Variants in MAP3K21 observed in about 807,000 individuals in gnomAD.
MAP3K21 encodes the protein mitogen-activated protein kinase kinase kinase MLK4.
Under a neutral mutation model 86.1 loss-of-function variants are expected in MAP3K21, and 63 were observed. That is an observed-to-expected ratio of 0.73 (90% CI 0.60 to 0.90). MAP3K21 has a LOEUF of 0.90. MAP3K21 is among the 40% of genes least tolerant of loss of function. MAP3K21 has a pLI of 0.00. For missense variants in MAP3K21, 1,220 were observed against 1,367.7 expected, an observed-to-expected ratio of 0.89 and a Z score of 1.70; for synonymous variants, 558 against 564.8, an observed-to-expected ratio of 0.99 and a Z score of 0.17.
intron 4 of MAP3K21, among the ~76,000 whole-genome samples, chr1:233,357,040 G>A (rs544436471): frequency 1.4e-4 from 22 of 152,348 alleles, no homozygotes; most frequent in African/African-American, 5.1e-4. Context: ...GGAGGTCGGG[G>A]CAGGTGGATC....
In MAP3K21 at chr1:233,382,362, C is replaced by T. The variant is rs1234995001; in HGVS notation, c.2762C>T (p.Pro921Leu). The T allele has an allele frequency of 6.2e-7, 1 of 1,614,150 alleles. No homozygotes were observed. Among genetic ancestry groups the T allele is most frequent in the Non-Finnish European group, 8.5e-7 (1 of 1,179,984 alleles). Residue 921 changes from proline to leucine, a missense_variant, in exon 10 of 10, where the codon CCT becomes CTT. Physicochemically the swap from Pro to Leu is moderately conservative, Grantham distance 98. Coordinates refer to ENST00000366624, the MANE Select transcript of MAP3K21 (RefSeq NM_032435.3). ...GASALPLCPS[P>L]APHSHLPREV... ...TCTGCACTGCCACTCTGCCCCTCAC[C>T]TGCTCCTCACAGTCATCTGCCAAGG...
chr1:233,378,725 A>G (rs1663845635), intron 8 of MAP3K21, among the ~76,000 whole-genome samples: 1 of 152,208 alleles, frequency 6.6e-6, no homozygotes, highest in South Asian at 2.1e-4. Context: ...TTGCTGGTTC[A>G]TCTGCAGGGA....
At position 233,384,482 on chromosome 1, in the gene MAP3K21, T is replaced by C. The variant is rs1025009841; in HGVS notation, c.*1771T>C. The C allele has an allele frequency of 1.3e-5, 2 of 152,258 alleles. No homozygotes were observed. Among genetic ancestry groups the C allele is most frequent in the African/African-American group, 4.8e-5 (2 of 41,472 alleles). The allele number at this position is 152,258 out of a possible 1,614,324, so 9.4% of individuals were successfully genotyped here. A position where few individuals can be genotyped will look rare whatever the true frequency, so the allele number is the denominator to read the frequency against. On this transcript the variant is annotated 3_prime_UTR_variant, in exon 10 of 10. Transcript: ENST00000366624. ...GTTATTGAATTATGTAACAGAGATT[T>C]GGTTTTCCCAAAATGTTATCACATT...
chr1:233,369,220 C>T (rs146683072), intron 5 of MAP3K21, among the ~76,000 whole-genome samples: 2 of 105,640 alleles, frequency 1.9e-5, no homozygotes, highest in Admixed American at 1.2e-4. Context: ...TAGTAAAATA[C>T]AAAAAAAAAA....
At position 233,346,630 on chromosome 1, in the gene MAP3K21, T is replaced by C. The variant is rs1017341216; in HGVS notation, c.986+8T>C. ...GGGAAGCGACATCTGGAGGTGAGCC[T>C]TTCCTTTTGCAAACATCGGCAGAAA... On this transcript the variant is annotated splice_region_variant and intron_variant, in intron 2 of 9. Coordinates refer to ENST00000366624, the MANE Select transcript of MAP3K21 (RefSeq NM_032435.3). 1 of 1,611,894 alleles carries C rather than the reference T, an allele frequency of 6.2e-7. No homozygotes were observed. Among genetic ancestry groups the C allele is most frequent in the Non-Finnish European group, 8.5e-7 (1 of 1,179,006 alleles).
intron 5 of MAP3K21, among the ~76,000 whole-genome samples, chr1:233,371,434 C>T (rs970593069): frequency 3.9e-5 from 6 of 152,196 alleles, no homozygotes; most frequent in African/African-American, 1.4e-4. Flanking sequence ...AATCTCAGCT[C>T]ACTGTACCCT....
At chr1:233,332,381 C>T (rs987417053) in intron 1 of MAP3K21, among the ~76,000 whole-genome samples, 22 of 151,976 alleles carry the variant, frequency 1.4e-4, no homozygotes, top group Non-Finnish European at 2.8e-4. Flanking sequence ...ACCACGAATT[C>T]GTCAAGCAAA....
At chr1:233,356,800 T>G (rs1408077249) in intron 4 of MAP3K21, among the ~76,000 whole-genome samples, 1 of 152,222 alleles carries the variant, frequency 6.6e-6, no homozygotes, top group East Asian at 1.9e-4. Flanking sequence ...TCTTGGAAAC[T>G]GACTATAAAT....
rs539661746 is a variant in MAP3K21 at position 233,376,445 on chromosome 1, C to T, written c.1842C>T (p.Ser614=). The part of the protein sequence containing the change: ...TDCKERIRPL[S]DGNSPWSTIL... ...TCTCTTGTAGGATAAGACCTCTCTC[C>T]GATGGCAACAGTCCTTGGTCAACTA... Residue 614 remains serine, a synonymous_variant, in exon 8 of 10, where the codon TCC becomes TCT. Transcript: ENST00000366624. The T allele has an allele frequency of 1.1e-5, 17 of 1,612,350 alleles. No homozygotes were observed. Among genetic ancestry groups the T allele is most frequent in the East Asian group, 6.7e-5 (3 of 44,848 alleles).
chr1:233,378,814 C>A, intron 8 of MAP3K21, 117 bp from the exon 9 acceptor site: 3 of 751,472 alleles, frequency 4.0e-6, no homozygotes, highest in South Asian at 4.2e-5. Context: ...AAAAGGGCTG[C>A]ATGTGTTTTG....
In MAP3K21 at chr1:233,328,404, C is replaced by T. The variant is rs777111160; in HGVS notation, c.376C>T (p.Leu126=). ...PVHVAFERLE[L]KELIGAGGFG... ...ACACGTCGCCTTCGAGCGGCTGGAG[C>T]TGAAGGAGCTCATCGGCGCTGGGGG... is the stretch of plus-strand genomic sequence containing the variant. Residue 126 remains leucine, a synonymous_variant, in exon 1 of 10, where the codon CTG becomes TTG. Coordinates refer to ENST00000366624, the MANE Select transcript of MAP3K21 (RefSeq NM_032435.3). This position sits in a 1 kb window ranked among gnomAD's most constrained non-coding sequence, Gnocchi z 8.7. 1 of 1,490,924 alleles carries T rather than the reference C, an allele frequency of 6.7e-7. No individual in the cohort carries two copies. Among genetic ancestry groups the T allele is most frequent in the Non-Finnish European group, 8.9e-7 (1 of 1,128,362 alleles). The allele number at this position is 1,490,924 out of a possible 1,614,324, so 92.4% of individuals were successfully genotyped here.
intron 2 of MAP3K21, among the ~76,000 whole-genome samples, chr1:233,347,082 G>A (rs539295987): frequency 6.6e-6 from 1 of 151,808 alleles, no homozygotes; most frequent in Non-Finnish European, 1.5e-5. Flanking sequence ...GTTTAGGAGG[G>A]AGAGTGTCCA....
rs1303777743 is a variant in MAP3K21 at position 233,383,422 on chromosome 1, C to T, written c.*711C>T. ...GAATATAAGTTATAAGCATTTTATT[C>T]ATTAGAACTCCAAAATAGATGTTCA... On this transcript the variant is annotated 3_prime_UTR_variant, in exon 10 of 10. Coordinates refer to ENST00000366624, the MANE Select transcript of MAP3K21 (RefSeq NM_032435.3). 1 of 115,608 alleles carries T rather than the reference C, an allele frequency of 8.6e-6. No individual in the cohort carries two copies. 7.2% of individuals were successfully genotyped at this position (115,608 alleles called of 1,614,324 possible).
chr1:233,373,927 G>GGGAC (rs1663736062), intron 6 of MAP3K21: 1 of 152,336 alleles, frequency 6.6e-6, no homozygotes, highest in South Asian at 2.1e-4. Flanking sequence ...AAAGTAGGAA[G>GGGAC]GGACGAAGGT....
At chr1:233,358,011 C>T (rs1267582284) in intron 4 of MAP3K21, among the ~76,000 whole-genome samples, 2 of 151,520 alleles carry the variant, frequency 1.3e-5, no homozygotes, top group Non-Finnish European at 1.5e-5. Flanking sequence ...CCACCAGGAA[C>T]TCTGAGTCAG....
Position 233,332,462 on chromosome 1 carries a change from G to A in MAP3K21, c.805+3629G>A, listed in dbSNP as rs146742107. Among the ~76,000 whole-genome samples, 946 of 152,260 alleles carry A rather than the reference G, an allele frequency of 6.2e-3. 8 individuals carry two copies. The highest frequency in any genetic ancestry group is 0.012 in the South Asian group (57 of 4,830). ...GGAGGCCTAAGGAGAAGGCTGGTGA[G>A]GAGAGGCATGCGTGGGGCAGGCCTG... is the stretch of plus-strand genomic sequence containing the variant. On this transcript the variant is annotated intron_variant, in intron 1 of 9. Coordinates refer to ENST00000366624, the MANE Select transcript of MAP3K21 (RefSeq NM_032435.3).
chr1:233,354,910 G>A lies in MAP3K21; in HGVS notation c.1210G>A (p.Ala404Thr). ...CGAACAGTTGACTGCTATTGAAGGG[G>A]CAGTGATGACTGAGATGCCTCAAGA... The part of the protein sequence containing the change: ...ILEQLTAIEG[A>T]VMTEMPQESF... The change falls in exon 4 of 10, where the codon GCA (alanine) becomes ACA (threonine). Residue 404 changes from alanine (A) to threonine (T), a missense_variant. By Grantham distance (58) the Ala-to-Thr change is moderately conservative. This residue lies in a region of MAP3K21 where 126 missense variants were observed against 127.7 expected (regional missense o/e 0.99). Coordinates refer to ENST00000366624, the MANE Select transcript of MAP3K21 (RefSeq NM_032435.3). 1.2e-6 allele frequency: 2 copies of A among 1,613,796 alleles called. No homozygotes were observed. Among genetic ancestry groups the A allele is most frequent in the Non-Finnish European group, 1.7e-6 (2 of 1,179,702 alleles).
rs1320850754 is a variant in MAP3K21 at position 233,379,505 on chromosome 1, G to A, written c.2499G>A (p.Met833Ile). ...CACCTGTCACTTGTGACTCTGAGATGCTCACTCCGGATTTTTGTCCCACTG... is the reference window on the plus strand; with the variant it reads ...CACCTGTCACTTGTGACTCTGAGATACTCACTCCGGATTTTTGTCCCACTG... Reference protein sequence around the residue: ...DSAPVTCDSEMLTPDFCPTAP... With the variant: ...DSAPVTCDSEILTPDFCPTAP... The change falls in exon 9 of 10, where the codon ATG (methionine) becomes ATA (isoleucine). Residue 833 changes from methionine (M) to isoleucine (I), a missense_variant. Met to Ile is a conservative substitution (Grantham distance 10, BLOSUM62 1). This residue lies in a region of MAP3K21 where 632 missense variants were observed against 691.3 expected (regional missense o/e 0.91). Transcript: ENST00000366624. 1 of 1,614,078 alleles carries A rather than the reference G, an allele frequency of 6.2e-7. No individual in the cohort carries two copies. Among genetic ancestry groups the A allele is most frequent in the Admixed American group, 1.7e-5 (1 of 60,010 alleles).
chr1:233,348,777 A>G (rs1033713544), intron 2 of MAP3K21, among the ~76,000 whole-genome samples: 3 of 152,102 alleles, frequency 2.0e-5, no homozygotes, highest in Non-Finnish European at 4.4e-5. Flanking sequence ...ATAAAAGAAA[A>G]CTGGGAATGA....
Sources: gnomAD v4.1 joint callset for allele counts (sites outside exome capture counted in the v4.1 genomes callset) on GRCh38, gnomAD v4.1.1 for gene constraint, gnomAD v4.1.1 regional missense constraint, Gnocchi (gnomAD v3.1) non-coding constraint, MANE v1.5 for transcripts, NCBI Gene and HGNC (gene_info 2026-07-23, HGNC 2026-07-21) for gene names.